DUSP22: variants seen among roughly 807,000 people sequenced by gnomAD.
The protein encoded by DUSP22 is dual specificity phosphatase 22.
Under a neutral mutation model 24.5 loss-of-function variants are expected in DUSP22, and 24 were observed. The ratio of observed to expected loss-of-function variants is 0.98; its 90% CI spans 0.71 to 1.38. DUSP22 has a LOEUF of 1.38. Ranked by LOEUF, DUSP22 falls within the 40% of genes most tolerant of loss-of-function variation. DUSP22 has a pLI of 0.00. For synonymous variants in DUSP22, 160 were observed against 106.4 expected (o/e 1.50, Z -3.10); for missense variants, 330 against 269.2 (o/e 1.23, Z -1.58).
intron 2 of DUSP22, among the ~76,000 whole-genome samples, chr6:306,174 T>A (rs560910177): frequency 1.3e-5 from 2 of 152,426 alleles, no homozygotes; most frequent in South Asian, 4.1e-4. Flanking sequence ...TTTAGTGAGT[T>A]ATTAACTGTT....
chr6:292,818 C>G (rs1757152638), intron 1 of DUSP22, among the ~76,000 whole-genome samples: 1 of 152,252 alleles, frequency 6.6e-6, no homozygotes, highest in South Asian at 2.1e-4. Flanking sequence ...GTGGCTGAAA[C>G]AAGCCGCGCC....
At chr6:341,218 G>T (rs113625336) in intron 4 of DUSP22, among the ~76,000 whole-genome samples, 730 of 152,160 alleles carry the variant, frequency 4.8e-3, no homozygotes, top group African/African-American at 0.017. Flanking sequence ...GCATTCGCTG[G>T]CTCTCTGTGG....
intron 1 of DUSP22, among the ~76,000 whole-genome samples, chr6:293,970 C>T (rs1366171882): frequency 6.6e-6 from 1 of 152,272 alleles, no homozygotes; most frequent in Non-Finnish European, 1.5e-5. Context: ...AGTCTGTGGG[C>T]TCCGTTTGCC....
intron 1 of DUSP22, among the ~76,000 whole-genome samples, chr6:303,029 A>T (rs1475083739): frequency 2.7e-4 from 41 of 152,390 alleles, no homozygotes; most frequent in Non-Finnish European, 2.9e-5. Flanking sequence ...ACTCAGAGGA[A>T]CCTGACTAAA....
At chr6:318,435 C>T (rs1448691503) in intron 3 of DUSP22, among the ~76,000 whole-genome samples, 1 of 152,310 alleles carries the variant, frequency 6.6e-6, no homozygotes, top group Non-Finnish European at 1.5e-5. Context: ...GCCTCATTGC[C>T]TGTGGCCCTC....
chr6:334,385 G>A (rs1357123780), intron 3 of DUSP22, among the ~76,000 whole-genome samples: 16 of 152,184 alleles, frequency 1.1e-4, no homozygotes, highest in African/African-American at 3.1e-4. Context: ...CAGTCCCTCC[G>A]AAAGAGAAAC....
intron 3 of DUSP22, among the ~76,000 whole-genome samples, chr6:326,638 G>C (rs1758893008): frequency 6.6e-6 from 1 of 152,428 alleles, no homozygotes; most frequent in South Asian, 2.1e-4. Context: ...AGATGGGATT[G>C]CCCTTGAGGG....
At chr6:324,196 G>A (rs1438692547) in intron 3 of DUSP22, among the ~76,000 whole-genome samples, 2 of 152,310 alleles carry the variant, frequency 1.3e-5, no homozygotes, top group African/African-American at 4.8e-5. Context: ...TTGGTGGCCG[G>A]AGCACTCTCT....
intron 4 of DUSP22, among the ~76,000 whole-genome samples, chr6:339,838 T>C (rs1454869755): frequency 6.6e-6 from 1 of 152,306 alleles, no homozygotes; most frequent in Admixed American, 6.5e-5. Context: ...CTCATTTACG[T>C]TTTTCTTTTA....
At chr6:327,629 T>C (rs1323211431) in intron 3 of DUSP22, among the ~76,000 whole-genome samples, 17 of 152,298 alleles carry the variant, frequency 1.1e-4, no homozygotes, top group Admixed American at 9.2e-4. Context: ...GCCAGGGCCA[T>C]GCGCCTGTGT....
intron 3 of DUSP22, chr6:325,639 C>T: frequency 4.4e-6 from 1 of 225,000 alleles, no homozygotes. Context: ...GAGTCATCTG[C>T]CCTGGGCTTC....
chr6:305,523 T>C (rs1757782318), intron 2 of DUSP22, among the ~76,000 whole-genome samples: 1 of 152,306 alleles, frequency 6.6e-6, no homozygotes, highest in Non-Finnish European at 1.5e-5. Flanking sequence ...ATTCTTCTCA[T>C]CTGGTGCTTC....
intron 3 of DUSP22, among the ~76,000 whole-genome samples, chr6:316,070 G>T (rs1758324170): frequency 6.6e-6 from 1 of 152,308 alleles, no homozygotes; most frequent in African/African-American, 2.4e-5. Flanking sequence ...GTGATCCCTG[G>T]CATTCCAGCT....
chr6:337,438 C>T (rs1190768176), intron 4 of DUSP22, among the ~76,000 whole-genome samples: 5 of 152,296 alleles, frequency 3.3e-5, no homozygotes, highest in Non-Finnish European at 5.9e-5. Flanking sequence ...GTTGCAATAA[C>T]AAGTTTTGGT....
At chr6:332,943 A>G (rs1357373626) in intron 3 of DUSP22, among the ~76,000 whole-genome samples, 2 of 152,308 alleles carry the variant, frequency 1.3e-5, no homozygotes, top group African/African-American at 2.4e-5. Flanking sequence ...ACTTAAGAGT[A>G]AAAGGAAAGA....
intron 1 of DUSP22, among the ~76,000 whole-genome samples, chr6:300,408 A>AACT (rs1231003075): frequency 5.2e-5 from 8 of 152,418 alleles, no homozygotes; most frequent in South Asian, 2.1e-4. Context: ...TCACACAATC[A>AACT]ACTTTGCACT....
chr6:350,756 G>A lies in DUSP22; in HGVS notation c.*1805G>A. ...TATGTGCACCTTTACAAACCTCTCA[G>A]TGTATTCTTGGAGTTCTTGAAATGT... is the stretch of plus-strand genomic sequence containing the variant. On this transcript the variant is annotated 3_prime_UTR_variant, in exon 7 of 7. Transcript: ENST00000419235. 6.2e-6 allele frequency: 10 copies of A among 1,613,932 alleles called. No individual in the cohort carries two copies. The highest frequency in any genetic ancestry group is 1.1e-5 in the South Asian group (1 of 91,012).
At chr6:340,138 G>C (rs1202639884) in intron 4 of DUSP22, among the ~76,000 whole-genome samples, 1 of 152,416 alleles carries the variant, frequency 6.6e-6, no homozygotes, top group Non-Finnish European at 1.5e-5. Flanking sequence ...GTTTTAGTTT[G>C]CTTTTAAAAA....
rs1459023004 is a variant in DUSP22, at chr6:304,533, C to T, written c.22-95C>T. 4 of 1,580,302 alleles carry T rather than the reference C, an allele frequency of 2.5e-6. No individual in the cohort carries two copies. The African/African-American group carries it at 4.0e-5, about 16-fold the overall frequency. On this transcript the variant is annotated intron_variant, in intron 1 of 6. Transcript: ENST00000419235. The stretch of plus-strand genomic sequence containing the variant: ...GTGCTGTACTGGGGAAGCACCTGGC[C>T]TTTGCAGGGATCCTGCTGCTGGATG...
Sources: allele counts gnomAD v4.1 joint callset (sites outside exome capture counted in the v4.1 genomes callset), GRCh38; gene constraint gnomAD v4.1.1; transcripts MANE v1.5; gene names NCBI Gene and HGNC (gene_info 2026-07-23, HGNC 2026-07-21).